TRDMT1: variants seen among roughly 807,000 people sequenced by gnomAD.
TRDMT1 encodes tRNA (cytosine(38)-C(5))-methyltransferase.
TRDMT1 carries 49 observed loss-of-function variants against 51.2 expected under a neutral mutation model. The ratio of observed to expected loss-of-function variants is 0.96; its 90% CI spans 0.76 to 1.21. The LOEUF is 1.21. Ranked by LOEUF, TRDMT1 falls within the 50% of genes most tolerant of loss-of-function variation. The pLI is 0.00. For missense variants in TRDMT1, 534 were observed against 462.3 expected (o/e 1.16, Z -1.42); for synonymous variants, 187 against 164.6 (o/e 1.14, Z -1.04).
intron 1 of TRDMT1, among the ~76,000 whole-genome samples, chr10:17,189,243 T>C (rs1013879841): frequency 6.6e-6 from 1 of 152,240 alleles, no homozygotes; most frequent in East Asian, 1.9e-4. Flanking sequence ...ATTTGTATTT[T>C]GTTTTTGTTC....
intron 2 of TRDMT1, among the ~76,000 whole-genome samples, chr10:17,169,887 C>T (rs980904414): frequency 5.3e-5 from 8 of 152,118 alleles, no homozygotes; most frequent in African/African-American, 1.9e-4. Flanking sequence ...TTTCCTAAAG[C>T]ACTTCTCGAC....
At chr10:17,192,802 C>T (rs1179276285) in intron 1 of TRDMT1, among the ~76,000 whole-genome samples, 1 of 152,094 alleles carries the variant, frequency 6.6e-6, no homozygotes, top group Non-Finnish European at 1.5e-5. Context: ...TAAACAAAAT[C>T]CATATGATCC....
intron 1 of TRDMT1, among the ~76,000 whole-genome samples, chr10:17,198,043 AAAG>A (rs914769357): frequency 2.0e-5 from 3 of 152,054 alleles, no homozygotes; most frequent in Non-Finnish European, 4.4e-5. Context: ...TCAAAAAAAA[AAAG>A]AAAGAAAAAG....
chr10:17,176,090 T>C (rs1842586294), intron 1 of TRDMT1, among the ~76,000 whole-genome samples: 1 of 152,180 alleles, frequency 6.6e-6, no homozygotes, highest in Non-Finnish European at 1.5e-5. Context: ...TCAAGAAGGC[T>C]TCTAAACAAA....
intron 1 of TRDMT1, among the ~76,000 whole-genome samples, chr10:17,195,618 T>C (rs7900703): frequency 0.51 from 77,542 of 151,580 alleles, 20,004 homozygotes; most frequent in South Asian, 0.57. Flanking sequence ...AAAAAAAAAT[T>C]TACCCCTAAC....
chr10:17,152,157 A>T (rs1838828998), intron 10 of TRDMT1: 2 of 1,144,758 alleles, frequency 1.7e-6, no homozygotes, highest in South Asian at 1.4e-5. Context: ...GAGAATTCTT[A>T]AGTCTAATTC....
chr10:17,143,107 A>G lies in TRDMT1; in HGVS notation c.*5933T>C. 1.0e-6 allele frequency: 1 copy of G among 985,478 alleles called. No homozygotes were observed. The highest frequency in any genetic ancestry group is 1.2e-6 in the Non-Finnish European group (1 of 829,938). The allele number at this position is 985,478 out of a possible 1,614,324, so 61.0% of individuals were successfully genotyped here. The stretch of plus-strand genomic sequence containing the variant: ...TGGCTGTTCCTCTGGGCATGGAAGA[A>G]GTGGCAGTAACAGACAAATTAAATA... On this transcript the variant is annotated 3_prime_UTR_variant, in exon 11 of 11. Transcript: ENST00000377799.
At chr10:17,172,991 A>C (rs1842214939) in intron 2 of TRDMT1, among the ~76,000 whole-genome samples, 1 of 152,174 alleles carries the variant, frequency 6.6e-6, no homozygotes. Flanking sequence ...ATAGATATAG[A>C]TATTTAGATA....
intron 7 of TRDMT1, 44 bp downstream of exon 7, chr10:17,159,102 A>G: frequency 1.6e-6 from 2 of 1,276,320 alleles, no homozygotes; most frequent in Non-Finnish European, 2.2e-6. Flanking sequence ...TATATTTATA[A>G]TAAATAAGCC....
At chr10:17,165,151 G>A (rs1426222828) in intron 3 of TRDMT1, among the ~76,000 whole-genome samples, 1 of 152,130 alleles carries the variant, frequency 6.6e-6, no homozygotes, top group Non-Finnish European at 1.5e-5. Flanking sequence ...AAAACAGCAT[G>A]GTACTGGTAC....
In TRDMT1 at chr10:17,140,030, T is replaced by C. The variant is rs1472833106; in HGVS notation, c.*9010A>G. Among the ~76,000 whole-genome samples, 1 of 136,608 alleles carries C rather than the reference T, an allele frequency of 7.3e-6. No homozygotes were observed. The highest frequency in any genetic ancestry group is 2.8e-5 in the African/African-American group (1 of 35,656). 89.6% of individuals were successfully genotyped at this position (136,608 alleles called of 152,430 possible). A position where few individuals can be genotyped will look rare whatever the true frequency, so the allele number is the denominator to read the frequency against. On this transcript the variant is annotated 3_prime_UTR_variant, in exon 11 of 11. Transcript: ENST00000377799. ...CATTAAATATTCTTCCAGTAACATC[T>C]AGTGTGCTTTTTTTTTTTTTTTTTT...
At chr10:17,199,035 A>T (rs1043847136) in intron 1 of TRDMT1, among the ~76,000 whole-genome samples, 9 of 152,196 alleles carry the variant, frequency 5.9e-5, no homozygotes, top group Admixed American at 3.3e-4. Flanking sequence ...TTACATACTT[A>T]AAAAAGGACC....
intron 3 of TRDMT1, among the ~76,000 whole-genome samples, chr10:17,164,849 A>ACTG (rs1205907749): frequency 6.6e-6 from 1 of 152,222 alleles, no homozygotes; most frequent in Admixed American, 6.5e-5. Context: ...TCTACCAATC[A>ACTG]CTGCTCAATG....
Position 17,146,000 on chromosome 10 carries a change from G to A in TRDMT1, c.*3040C>T, listed in dbSNP as rs1838074225. ...AAAAACCCAGATGGTGATTTCTGCT[G>A]AGAACTTCCACCCCTACCAATGCGT... On this transcript the variant is annotated 3_prime_UTR_variant, in exon 11 of 11. Transcript: ENST00000377799. 1.0e-6 allele frequency: 1 copy of A among 985,434 alleles called. No homozygotes were observed. The allele number at this position is 985,434 out of a possible 1,614,324, so 61.0% of individuals were successfully genotyped here.
intron 2 of TRDMT1, chr10:17,171,805 C>T (rs1231927394): frequency 2.0e-5 from 3 of 152,622 alleles, no homozygotes; most frequent in African/African-American, 7.2e-5. Context: ...GGGTTTTCTA[C>T]TTTGATTCAT....
Position 17,157,462 on chromosome 10 carries a change from C to G in TRDMT1, c.866G>C (p.Arg289Thr). The change falls in exon 8 of 11, where the codon AGG becomes ACG. Residue 289 changes from arginine to threonine, a missense_variant. Transcript: ENST00000377799. The stretch of plus-strand genomic sequence containing the variant: ...CTACCCTTTGGTAAAGCACACGGAC[C>G]TTCTACAAGTGGGCTGAACAATGTC... ...LLDIVQPTCR[R>T]SVCFTKGYGS... The G allele has an allele frequency of 6.2e-7, 1 of 1,607,852 alleles. No individual in the cohort carries two copies. Among genetic ancestry groups the G allele is most frequent in the Non-Finnish European group, 8.5e-7 (1 of 1,174,892 alleles).
chr10:17,149,054 T>C lies in TRDMT1; in HGVS notation c.1162A>G (p.Ile388Val), dbSNP rs1423931373. 1 of 1,606,530 alleles carries C rather than the reference T, an allele frequency of 6.2e-7. No homozygotes were observed. Among genetic ancestry groups the C allele is most frequent in the African/African-American group, 1.3e-5 (1 of 74,668 alleles). ...NVHVVAKLIK[I>V]LYE ...TTATTTCAAAATTATTCATATAAGATTTTGATTAGTTTAGCTACTACATGC... is the reference window on the plus strand; with the variant it reads ...TTATTTCAAAATTATTCATATAAGACTTTGATTAGTTTAGCTACTACATGC... The change falls in exon 11 of 11, where the codon ATC (isoleucine) becomes GTC (valine). Residue 388 changes from isoleucine to valine, a missense_variant. By Grantham distance (29) the Ile-to-Val change is conservative. Transcript: ENST00000377799.
chr10:17,191,044 G>A (rs755694826), intron 1 of TRDMT1, among the ~76,000 whole-genome samples: 1 of 152,212 alleles, frequency 6.6e-6, no homozygotes, highest in Non-Finnish European at 1.5e-5. Context: ...AGATATCAGG[G>A]AGAAGCACTT....
At chr10:17,165,457 G>A (rs996702955) in intron 3 of TRDMT1, among the ~76,000 whole-genome samples, 1 of 152,162 alleles carries the variant, frequency 6.6e-6, no homozygotes, top group African/African-American at 2.4e-5. Context: ...ACATAGGCAT[G>A]GGCAAGGACT....
Sources: allele counts gnomAD v4.1 joint callset (sites outside exome capture counted in the v4.1 genomes callset), GRCh38; gene constraint gnomAD v4.1.1; transcripts MANE v1.5; gene names NCBI Gene and HGNC (gene_info 2026-07-23, HGNC 2026-07-21).